Variants in PPARGC1A observed in about 807,000 individuals in gnomAD.
The protein encoded by PPARGC1A is peroxisome proliferator-activated receptor gamma coactivator 1-alpha.
PPARGC1A carries 25 observed loss-of-function variants against 88.7 expected under a neutral mutation model. The ratio of observed to expected loss-of-function variants is 0.28; its 90% confidence interval spans 0.21 to 0.39. PPARGC1A has a LOEUF of 0.39. PPARGC1A is among the 10% of genes least tolerant of loss of function. The probability of loss-of-function intolerance (pLI) is 1.00; values close to 1 mark genes in which losing one functional copy is unlikely to be tolerated. For synonymous variants in PPARGC1A, 363 were observed against 355.6 expected, an observed-to-expected ratio of 1.02 and a Z score of -0.24; for missense variants, 880 against 968.7, an observed-to-expected ratio of 0.91 and a Z score of 1.22.
the PPARGC1A span, among the ~76,000 whole-genome samples, chr4:23,989,529 A>C: frequency 1.3e-5 from 2 of 152,032 alleles, no homozygotes; most frequent in African/African-American, 2.4e-5. Flanking sequence ...ACTATTATAT[A>C]TATTTTATAA....
At chr4:24,060,417 G>T in the PPARGC1A span, among the ~76,000 whole-genome samples, 1 of 152,124 alleles carries the variant, frequency 6.6e-6, no homozygotes, top group Non-Finnish European at 1.5e-5. Context: ...TTCATGTTTA[G>T]AATTTCTAGT....
At chr4:24,302,274 A>G in the PPARGC1A span, among the ~76,000 whole-genome samples, 2 of 152,226 alleles carry the variant, frequency 1.3e-5, no homozygotes, top group East Asian at 3.9e-4. Flanking sequence ...ATCCAAAAAA[A>G]CAATGCTCCT....
At chr4:24,360,261 A>G in the PPARGC1A span, among the ~76,000 whole-genome samples, 2 of 152,146 alleles carry the variant, frequency 1.3e-5, no homozygotes, top group African/African-American at 4.8e-5. Context: ...CTTTAAAAAC[A>G]TATATCAAAT....
the PPARGC1A span, among the ~76,000 whole-genome samples, chr4:24,207,917 A>C: frequency 6.6e-6 from 1 of 152,196 alleles, no homozygotes; most frequent in Non-Finnish European, 1.5e-5. Flanking sequence ...AATTCTGATT[A>C]TTAAGTTTCT....
the PPARGC1A span, among the ~76,000 whole-genome samples, chr4:24,067,917 C>A: frequency 1.3e-5 from 2 of 152,192 alleles, no homozygotes; most frequent in Non-Finnish European, 2.9e-5. Context: ...CCTGAATCAC[C>A]TGTTACTTAC....
At chr4:23,831,820 T>G in intron 2 of PPARGC1A, 69 bp from the exon 3 acceptor site, 1 of 1,287,520 alleles carries the variant, frequency 7.8e-7, no homozygotes, top group Non-Finnish European at 1.1e-6. Flanking sequence ...TGCATCAACA[T>G]GTTTGACCAA....
intron 2 of PPARGC1A, among the ~76,000 whole-genome samples, chr4:23,859,375 G>C (rs895497567): frequency 6.6e-6 from 1 of 152,172 alleles, no homozygotes; most frequent in Admixed American, 6.5e-5. Context: ...AAAGTGTAAG[G>C]GGAAGGTACA....
chr4:23,992,541 A>C, the PPARGC1A span, among the ~76,000 whole-genome samples: 2 of 152,064 alleles, frequency 1.3e-5, no homozygotes, highest in African/African-American at 2.4e-5. Context: ...CAAAAAAAAC[A>C]GCCAAGTTGG....
the PPARGC1A span, among the ~76,000 whole-genome samples, chr4:24,041,605 TC>T: frequency 2.0e-5 from 3 of 152,312 alleles, no homozygotes; most frequent in African/African-American, 7.2e-5. Context: ...ACCCAGTGGT[TC>T]TTTGCCTGTT....
chr4:24,131,441 C>G, the PPARGC1A span, among the ~76,000 whole-genome samples: 1 of 152,190 alleles, frequency 6.6e-6, no homozygotes, highest in Non-Finnish European at 1.5e-5. Flanking sequence ...AGATATGATC[C>G]TTGTCCTGGT....
the PPARGC1A span, among the ~76,000 whole-genome samples, chr4:24,039,196 G>A: frequency 7.9e-5 from 12 of 152,002 alleles, no homozygotes; most frequent in Admixed American, 1.3e-4. Context: ...ATATCTTAAC[G>A]GGATAAAAGT....
At chr4:23,957,067 C>A in the PPARGC1A span, among the ~76,000 whole-genome samples, 1 of 152,096 alleles carries the variant, frequency 6.6e-6, no homozygotes, top group Non-Finnish European at 1.5e-5. Context: ...CTAACCACTA[C>A]AAGATACTCC....
chr4:24,398,011 GTGACACT>G, the PPARGC1A span, among the ~76,000 whole-genome samples: 1 of 152,134 alleles, frequency 6.6e-6, no homozygotes, highest in African/African-American at 2.4e-5. Context: ...TCTGAAAAAA[GTGACACT>G]GCCAATTCCT....
chr4:24,109,236 C>T, the PPARGC1A span, among the ~76,000 whole-genome samples: 34 of 148,140 alleles, frequency 2.3e-4, no homozygotes, highest in African/African-American at 7.5e-5. Flanking sequence ...TTTCACATTT[C>T]CCCAACTCCT....
intron 7 of PPARGC1A, among the ~76,000 whole-genome samples, chr4:23,820,974 A>G (rs1199734185): frequency 6.6e-6 from 1 of 152,084 alleles, no homozygotes; most frequent in Non-Finnish European, 1.5e-5. Flanking sequence ...CAAACCACCA[A>G]TATAAATGCT....
chr4:23,922,941 G>A, the PPARGC1A span, among the ~76,000 whole-genome samples: 44 of 152,142 alleles, frequency 2.9e-4, no homozygotes, highest in Non-Finnish European at 2.6e-4. Flanking sequence ...GAAGTTGGCC[G>A]AAACTGAAGC....
the PPARGC1A span, among the ~76,000 whole-genome samples, chr4:24,153,803 T>C: frequency 5.9e-3 from 900 of 152,194 alleles, 4 homozygotes; most frequent in African/African-American, 0.02. Flanking sequence ...TTTCTATCAC[T>C]GCAAGTTGGA....
At chr4:24,127,333 G>A in the PPARGC1A span, among the ~76,000 whole-genome samples, 2 of 151,962 alleles carry the variant, frequency 1.3e-5, no homozygotes, top group African/African-American at 4.8e-5. Context: ...GTATGGCGGG[G>A]GTGGGGGAAC....
chr4:24,387,867 AG>A, the PPARGC1A span, among the ~76,000 whole-genome samples: 2,350 of 115,256 alleles, frequency 0.02, 98 homozygotes, highest in East Asian at 0.065. Flanking sequence ...AAAGAGAGAA[AG>A]GAAGAAAGAG....
Sources: gnomAD v4.1 joint callset for allele counts (sites outside exome capture counted in the v4.1 genomes callset) on GRCh38, gnomAD v4.1.1 for gene constraint, MANE v1.5 for transcripts, NCBI Gene and HGNC (gene_info 2026-07-23, HGNC 2026-07-21) for gene names.